The following UTRN variants were observed in gnomAD, a reference collection of about 807,000 sequenced individuals.
The protein encoded by UTRN is dystrophin-related protein 1.
In UTRN, 283 loss-of-function variants were observed where a neutral mutation model predicts 463.9. That is an observed-to-expected ratio of 0.61 (90% CI 0.55 to 0.67). The LOEUF (loss-of-function observed/expected upper bound fraction) is 0.67. Among genes scored for constraint, UTRN ranks in the 30% least tolerant of loss-of-function variants. The pLI is 0.00. For synonymous variants in UTRN, 1,442 were observed against 1,431.5 expected (o/e 1.01, Z -0.17); for missense variants, 3,922 against 4,084.3 (o/e 0.96, Z 1.08).
At chr6:144,426,544 C>G in intron 7 of UTRN, 85 bp downstream of exon 7, 2 of 1,372,740 alleles carry the variant, frequency 1.5e-6, no homozygotes, top group Non-Finnish European at 1.9e-6. Flanking sequence ...CTCCCTGAAG[C>G]CCCTTCTCCA....
chr6:144,675,951 C>G (rs1429120951), intron 51 of UTRN, among the ~76,000 whole-genome samples: 1 of 152,008 alleles, frequency 6.6e-6, no homozygotes. Flanking sequence ...TATAGATTGC[C>G]AAATGTTTCC....
intron 63 of UTRN, among the ~76,000 whole-genome samples, chr6:144,794,744 G>A (rs1427642285): frequency 6.6e-6 from 1 of 152,156 alleles, no homozygotes; most frequent in Non-Finnish European, 1.5e-5. Flanking sequence ...CAGTTCTGGA[G>A]GCTGTCCATG....
At position 144,699,473 on chromosome 6, in the gene UTRN, GTTTTTTTTTTTTTTT is replaced by G. The variant is rs71024902; in HGVS notation, c.7653-601_7653-587del. ...AAATAATAATAATAATTAGTCAGTG[GTTTTTTTTTTTTTTT>G]TTTTTTTTTTTTGGAAAGAAAAATA... is the stretch of plus-strand genomic sequence containing the variant. On this transcript the variant is annotated intron_variant, in intron 52 of 74. Coordinates refer to ENST00000367545, the MANE Select transcript of UTRN (RefSeq NM_007124.3). Among the ~76,000 whole-genome samples the G allele has an allele frequency of 6.0e-3, 407 of 67,666 alleles. 2 individuals are homozygous for G. Among genetic ancestry groups the G allele is most frequent in the South Asian group, 0.013 (15 of 1,184 alleles). The allele number at this position is 67,666 out of a possible 152,430, so 44.4% of individuals were successfully genotyped here. A position where few individuals can be genotyped will look rare whatever the true frequency, so the allele number is the denominator to read the frequency against.
intron 14 of UTRN, among the ~76,000 whole-genome samples, chr6:144,445,004 A>G (rs1000289385): frequency 6.6e-6 from 1 of 152,188 alleles, no homozygotes; most frequent in African/African-American, 2.4e-5. Flanking sequence ...GAAACAAAAT[A>G]CAAATAAACA....
chr6:144,626,238 T>C (rs1775926946), intron 51 of UTRN, among the ~76,000 whole-genome samples: 1 of 152,230 alleles, frequency 6.6e-6, no homozygotes, highest in South Asian at 2.1e-4. Context: ...ACTGCAAAAA[T>C]TATTTCAACA....
At chr6:144,470,697 G>A (rs1790501688) in intron 23 of UTRN, among the ~76,000 whole-genome samples, 1 of 152,056 alleles carries the variant, frequency 6.6e-6, no homozygotes, top group South Asian at 2.1e-4. Flanking sequence ...GGAGGTTGTA[G>A]CGAGCCGAGA....
intron 50 of UTRN, among the ~76,000 whole-genome samples, chr6:144,561,486 G>C (rs1005027169): frequency 6.6e-6 from 1 of 151,816 alleles, no homozygotes; most frequent in Non-Finnish European, 1.5e-5. Flanking sequence ...CAGTATAACT[G>C]TGTGCTATAA....
chr6:144,580,902 A>G (rs1801909739), intron 51 of UTRN, among the ~76,000 whole-genome samples: 1 of 152,188 alleles, frequency 6.6e-6, no homozygotes, highest in Non-Finnish European at 1.5e-5. Context: ...GGCTACAGGT[A>G]ATAATTACCA....
At chr6:144,398,085 A>C in intron 2 of UTRN, 1 of 248,864 alleles carries the variant, frequency 4.0e-6, no homozygotes. Flanking sequence ...TCTGGAAAGG[A>C]ATAATCTGGA....
intron 1 of UTRN, among the ~76,000 whole-genome samples, chr6:144,289,173 T>G (rs1278883192): frequency 6.6e-6 from 1 of 152,226 alleles, no homozygotes; most frequent in Non-Finnish European, 1.5e-5. Flanking sequence ...ATCACATTGA[T>G]GATTCCTTTC....
Position 144,531,099 on chromosome 6 carries a change from T to G in UTRN, c.5954T>G (p.Leu1985Arg). 1 of 1,614,068 alleles carries G rather than the reference T, an allele frequency of 6.2e-7. No individual in the cohort carries two copies. Residue 1985 changes from leucine (L) to arginine (R), a missense_variant, in exon 42 of 75, where the codon CTT becomes CGT. By Grantham distance (102) the Leu-to-Arg change is moderately radical (BLOSUM62 -2). Coordinates refer to ENST00000367545, the MANE Select transcript of UTRN (RefSeq NM_007124.3). ...MEEWRQFHCDLNDLTQWITEA... is the reference protein window; with the variant it reads ...MEEWRQFHCDRNDLTQWITEA... The stretch of plus-strand genomic sequence containing the variant: ...GAATGGAGACAGTTCCATTGTGACC[T>G]TAATGACCTCACACAGTGGATAACA...
intron 10 of UTRN, among the ~76,000 whole-genome samples, chr6:144,436,795 T>C (rs4895639): frequency 7.0e-6 from 1 of 143,268 alleles, no homozygotes; most frequent in Non-Finnish European, 1.5e-5. Flanking sequence ...TATATATTTA[T>C]ATATAAATAT....
intron 28 of UTRN, 22 bp downstream of exon 28, chr6:144,485,541 G>C: frequency 4.3e-6 from 7 of 1,613,826 alleles, no homozygotes; most frequent in African/African-American, 1.3e-5. Context: ...TGATCTCCAC[G>C]GCATTTCTCT....
In UTRN at chr6:144,687,643, G is replaced by A. The variant is rs9497045; in HGVS notation, c.7652+9065G>A. 9.2e-3 allele frequency among the ~76,000 whole-genome samples: 1,402 copies of A among 152,190 alleles called. 19 individuals are homozygous for A. Among genetic ancestry groups the A allele is most frequent in the African/African-American group, 0.032 (1,342 of 41,530 alleles). ...CTGACGGTTTTTTCTGTTTAAAGAG[G>A]CTACAGGTAGGATCCAAATTCCTGT... is the stretch of plus-strand genomic sequence containing the variant. On this transcript the variant is annotated intron_variant, in intron 52 of 74. Coordinates refer to ENST00000367545, the MANE Select transcript of UTRN (RefSeq NM_007124.3).
intron 51 of UTRN, among the ~76,000 whole-genome samples, chr6:144,603,547 G>A (rs1804495497): frequency 6.6e-6 from 1 of 152,070 alleles, no homozygotes; most frequent in African/African-American, 2.4e-5. Context: ...CTTTGAGGTG[G>A]TATACGTGTG....
chr6:144,553,102 A>G (rs977592646), intron 48 of UTRN, among the ~76,000 whole-genome samples: 3 of 152,068 alleles, frequency 2.0e-5, no homozygotes, highest in African/African-American at 7.2e-5. Context: ...CAATGGTGCA[A>G]TCTTGACTCA....
chr6:144,523,144 T>C lies in UTRN; in HGVS notation c.5862T>C (p.Asn1954=). The C allele has an allele frequency of 6.2e-7, 1 of 1,612,832 alleles. No homozygotes were observed. The highest frequency in any genetic ancestry group is 1.3e-5 in the African/African-American group (1 of 74,972). The change falls in exon 41 of 75, where the codon AAT becomes AAC. Residue 1954 remains asparagine (N), a synonymous_variant. Transcript: ENST00000367545. ...IQIRDTLTQL[N]AKWDRINRMY... ...TCAGAGATACACTTACTCAGCTGAA[T>C]GCAAAATGGGACAGAATTAATAGAA...
chr6:144,344,570 C>T (rs1562272496), intron 2 of UTRN, among the ~76,000 whole-genome samples: 1 of 152,190 alleles, frequency 6.6e-6, no homozygotes, highest in African/African-American at 2.4e-5. Context: ...TCCAGGATCC[C>T]TATATTTGTG....
intron 37 of UTRN, among the ~76,000 whole-genome samples, chr6:144,515,594 A>G (rs563175176): frequency 3.3e-5 from 5 of 152,326 alleles, no homozygotes; most frequent in South Asian, 4.1e-4. Context: ...AGCTTTAGAC[A>G]TTTAATTAAC....
Sources: gnomAD v4.1 joint callset for allele counts (sites outside exome capture counted in the v4.1 genomes callset) on GRCh38, gnomAD v4.1.1 for gene constraint, MANE v1.5 for transcripts, NCBI Gene and HGNC (gene_info 2026-07-23, HGNC 2026-07-21) for gene names.